The following FHIT variants were observed in gnomAD, a reference collection of about 807,000 sequenced individuals.
The protein encoded by FHIT is bis(5'-adenosyl)-triphosphatase.
FHIT carries 19 observed loss-of-function variants against 17.9 expected under a neutral mutation model. The observed-to-expected ratio is 1.06, with a 90% CI of 0.74 to 1.56. The LOEUF (loss-of-function observed/expected upper bound fraction) is 1.56, where lower values mean the gene tolerates loss of function less well. Ranked by LOEUF, FHIT falls within the 40% of genes most tolerant of loss-of-function variation. The pLI is 0.00. For synonymous variants in FHIT, 81 were observed against 69.7 expected (o/e 1.16, Z -0.81); for missense variants, 248 against 189.2 (o/e 1.31, Z -1.82).
At chr3:59,992,008 G>A (rs529483362) in intron 7 of FHIT, among the ~76,000 whole-genome samples, 1 of 152,026 alleles carries the variant, frequency 6.6e-6, no homozygotes, top group Non-Finnish European at 1.5e-5. Context: ...AGTCTTTAAC[G>A]TATGCAGGGA....
intron 5 of FHIT, among the ~76,000 whole-genome samples, chr3:60,142,572 C>T (rs1002290226): frequency 2.0e-5 from 3 of 152,146 alleles, no homozygotes; most frequent in African/African-American, 4.8e-5. Context: ...GATCATGGCT[C>T]ACTATAGCCT....
rs530831606 is a variant in FHIT at position 60,983,919 on chromosome 3, A to G, written c.-111+58128T>C. 9.9e-5 allele frequency among the ~76,000 whole-genome samples: 15 copies of G among 151,206 alleles called. 1 individual carries two copies. The East Asian group carries it at 2.6e-3, about 26-fold the overall frequency. On this transcript the variant is annotated intron_variant, in intron 3 of 9. Transcript: ENST00000492590. ...CAACAGTAATGCAAATGATGACAGC[A>G]TAAGATAAAAAAAATTGTAATTCAC...
At position 61,009,345 on chromosome 3, in the gene FHIT, TTTC is replaced by T. The variant is rs554935287; in HGVS notation, c.-111+32699_-111+32701del. 4.6e-5 allele frequency among the ~76,000 whole-genome samples: 7 copies of T among 152,310 alleles called. No homozygotes were observed. The East Asian group carries it at 1.4e-3, about 29-fold the overall frequency. ...TCGTCCTTAGTTCCTGTTTTTGTGTTTTCTTCTCTGAAACGGTAAAGTGCTTTC... is the reference window on the plus strand; with the variant it reads ...TCGTCCTTAGTTCCTGTTTTTGTGTTTTCTCTGAAACGGTAAAGTGCTTTC... On this transcript the variant is annotated intron_variant, in intron 3 of 9. Coordinates refer to ENST00000492590, the MANE Select transcript of FHIT (RefSeq NM_002012.4).
At chr3:61,165,129 G>T (rs2037800310) in intron 2 of FHIT, among the ~76,000 whole-genome samples, 1 of 152,148 alleles carries the variant, frequency 6.6e-6, no homozygotes, top group Non-Finnish European at 1.5e-5. Flanking sequence ...TTGATAAAAT[G>T]ATTTGTTTTC....
intron 8 of FHIT, among the ~76,000 whole-genome samples, chr3:59,772,141 T>C (rs1260840214): frequency 6.6e-6 from 1 of 152,226 alleles, no homozygotes; most frequent in Non-Finnish European, 1.5e-5. Flanking sequence ...GGAGCTCTGC[T>C]GTGCTTCGTT....
At chr3:59,811,951 TTGGCAGCTCATCCTACCCCG>T (rs1700421999) in intron 8 of FHIT, among the ~76,000 whole-genome samples, 1 of 152,156 alleles carries the variant, frequency 6.6e-6, no homozygotes, top group South Asian at 2.1e-4. Flanking sequence ...TTGTGCCCCC[TTGGCAGCTCATCCTACCCCG>T]TGGCAGCTCA....
chr3:60,348,328 T>C (rs1372504486), intron 5 of FHIT, among the ~76,000 whole-genome samples: 2 of 152,162 alleles, frequency 1.3e-5, no homozygotes, highest in Non-Finnish European at 2.9e-5. Context: ...AGCAAAATAA[T>C]AAACAGCTTG....
chr3:60,466,057 T>C (rs2032772740), intron 5 of FHIT, among the ~76,000 whole-genome samples: 1 of 152,116 alleles, frequency 6.6e-6, no homozygotes. Flanking sequence ...TCCTCTTCAA[T>C]TTTTTACATC....
At chr3:60,693,997 G>C (rs1376000545) in intron 4 of FHIT, among the ~76,000 whole-genome samples, 1 of 152,150 alleles carries the variant, frequency 6.6e-6, no homozygotes, top group Non-Finnish European at 1.5e-5. Flanking sequence ...TTCCCAGCAG[G>C]ATTAAGTCAA....
chr3:61,191,896 G>C (rs1378022791), intron 2 of FHIT, among the ~76,000 whole-genome samples: 1 of 152,096 alleles, frequency 6.6e-6, no homozygotes, highest in Non-Finnish European at 1.5e-5. Flanking sequence ...AAGCCACCAG[G>C]GATGAGCCCC....
intron 5 of FHIT, among the ~76,000 whole-genome samples, chr3:60,164,223 T>G (rs1701058819): frequency 6.6e-6 from 1 of 152,166 alleles, no homozygotes; most frequent in East Asian, 1.9e-4. Flanking sequence ...ACCAAACACC[T>G]AACACATCAG....
chr3:59,859,677 C>T (rs756401158), intron 8 of FHIT, among the ~76,000 whole-genome samples: 9 of 152,134 alleles, frequency 5.9e-5, no homozygotes, highest in Non-Finnish European at 8.8e-5. Flanking sequence ...CTGAAGATCG[C>T]GTCACTGCAC....
intron 5 of FHIT, among the ~76,000 whole-genome samples, chr3:60,354,963 TG>T (rs1029842996): frequency 6.6e-6 from 1 of 152,220 alleles, no homozygotes; most frequent in Non-Finnish European, 1.5e-5. Flanking sequence ...AGTAAATTTA[TG>T]TTTTAGTTAT....
At chr3:60,561,289 G>T (rs114439666) in intron 4 of FHIT, among the ~76,000 whole-genome samples, 73 of 152,104 alleles carry the variant, frequency 4.8e-4, no homozygotes, top group African/African-American at 1.7e-3. Flanking sequence ...AATACTCAAG[G>T]TCAAGCTCTT....
At chr3:60,796,785 T>C (rs1371830901) in intron 4 of FHIT, among the ~76,000 whole-genome samples, 1 of 152,226 alleles carries the variant, frequency 6.6e-6, no homozygotes, top group Non-Finnish European at 1.5e-5. Flanking sequence ...TTTCACCATG[T>C]TGGCCAGGCT....
At chr3:61,224,642 T>C (rs1479332827) in intron 1 of FHIT, among the ~76,000 whole-genome samples, 2 of 152,138 alleles carry the variant, frequency 1.3e-5, no homozygotes, top group African/African-American at 4.8e-5. Flanking sequence ...ACTCCTGACA[T>C]CAGCTGATCC....
chr3:60,479,002 T>C (rs2033479041), intron 5 of FHIT, among the ~76,000 whole-genome samples: 1 of 152,154 alleles, frequency 6.6e-6, no homozygotes, highest in African/African-American at 2.4e-5. Flanking sequence ...GGAACTTTTC[T>C]AAGGTTGCCC....
chr3:60,860,285 G>C (rs556709344), intron 3 of FHIT, among the ~76,000 whole-genome samples: 3 of 136,086 alleles, frequency 2.2e-5, no homozygotes, highest in African/African-American at 7.8e-5. Flanking sequence ...TACATCATAT[G>C]TATACATGAG....
intron 1 of FHIT, among the ~76,000 whole-genome samples, chr3:61,229,823 G>T (rs10866046): frequency 0.29 from 43,748 of 152,010 alleles, 7,051 homozygotes; most frequent in East Asian, 0.57. Flanking sequence ...CTCTCTACTG[G>T]TAAATATATG....
Sources: gnomAD v4.1 joint callset for allele counts (sites outside exome capture counted in the v4.1 genomes callset) on GRCh38, gnomAD v4.1.1 for gene constraint, MANE v1.5 for transcripts, NCBI Gene and HGNC (gene_info 2026-07-23, HGNC 2026-07-21) for gene names.